Variants in GRAMD1C observed in about 807,000 individuals in gnomAD.
GRAMD1C encodes GRAM domain containing 1C.
A neutral mutation model predicts 97.8 loss-of-function variants in GRAMD1C; 89 were observed. That is an observed-to-expected ratio of 0.91 (90% CI 0.77 to 1.09). GRAMD1C has a LOEUF of 1.09. GRAMD1C is among the 50% of genes least tolerant of loss of function. GRAMD1C has a pLI of 0.00. For synonymous variants in GRAMD1C, 256 were observed against 267.0 expected, an observed-to-expected ratio of 0.96 and a Z score of 0.40; for missense variants, 740 against 766.4, an observed-to-expected ratio of 0.97 and a Z score of 0.41.
At position 113,940,341 on chromosome 3, in the gene GRAMD1C, A is replaced by G; in HGVS notation, c.1904A>G (p.Glu635Gly). The change falls in exon 17 of 18, where the codon GAA (glutamate) becomes GGA (glycine). Residue 635 changes from glutamate (E) to glycine (G), a missense_variant. By Grantham distance (98) the Glu-to-Gly change is moderately conservative (BLOSUM62 -2). Transcript: ENST00000358160. ...GVLRDSIVML[E>G]QLKSSLIMLQ... is the part of the protein sequence containing the mutation. ...CTCCGAGACTCCATAGTGATGCTTGAACAGGTAGGCAACTCGATACATCAC... is the reference window on the plus strand; with the variant it reads ...CTCCGAGACTCCATAGTGATGCTTGGACAGGTAGGCAACTCGATACATCAC... 1 of 1,522,542 alleles carries G rather than the reference A, an allele frequency of 6.6e-7. No homozygotes were observed. The highest frequency in any genetic ancestry group is 9.1e-7 in the Non-Finnish European group (1 of 1,096,526). 94.3% of individuals were successfully genotyped at this position (1,522,542 alleles called of 1,614,324 possible).
In GRAMD1C at chr3:113,894,499, G is replaced by A. The variant is rs530045661; in HGVS notation, c.541-6532G>A. Among the ~76,000 whole-genome samples the A allele has an allele frequency of 7.2e-5, 11 of 152,152 alleles. No individual in the cohort carries two copies. The East Asian group carries it at 1.5e-3, about 21-fold the overall frequency. ...TCACCATGTTGGCCAGGCTGGTCTC[G>A]AACGCCTGACCTCAGGTGATCTGCC... On this transcript the variant is annotated intron_variant, in intron 6 of 17. Transcript: ENST00000358160.
chr3:113,857,628 G>A (rs1016872471), intron 2 of GRAMD1C, among the ~76,000 whole-genome samples: 2 of 152,080 alleles, frequency 1.3e-5, no homozygotes, highest in Admixed American at 6.5e-5. Context: ...CTCCCACCTT[G>A]GCCTCCCAAA....
At chr3:113,839,170 T>C (rs1264601134) in intron 1 of GRAMD1C, among the ~76,000 whole-genome samples, 1 of 152,206 alleles carries the variant, frequency 6.6e-6, no homozygotes, top group East Asian at 1.9e-4. Context: ...CGTTGAGGGC[T>C]TGAATTTGGT....
chr3:113,927,954 G>A (rs542099056), intron 10 of GRAMD1C, among the ~76,000 whole-genome samples: 7 of 152,274 alleles, frequency 4.6e-5, no homozygotes, highest in Admixed American at 2.0e-4. Context: ...GAGAGTTGTC[G>A]CCGCAGAAAC....
intron 2 of GRAMD1C, chr3:113,850,316 ACTTT>A: frequency 2.8e-6 from 2 of 717,020 alleles, no homozygotes; most frequent in Non-Finnish European, 5.2e-6. Context: ...CCCAGCCTCG[ACTTT>A]CTTGTTGGCA....
chr3:113,851,330 A>G (rs1424994249), intron 2 of GRAMD1C, among the ~76,000 whole-genome samples: 1 of 152,126 alleles, frequency 6.6e-6, no homozygotes, highest in East Asian at 1.9e-4. Context: ...AAAAAGATGG[A>G]GTAGGAGAAT....
chr3:113,904,629 T>C (rs1440688279), intron 8 of GRAMD1C, among the ~76,000 whole-genome samples: 5 of 152,022 alleles, frequency 3.3e-5, no homozygotes, highest in African/African-American at 1.2e-4. Context: ...TTTTTCTTTC[T>C]TTCTTTCACA....
Position 113,915,798 on chromosome 3 carries a change from A to G in GRAMD1C, c.1050A>G (p.Ser350=). ...TGTTTGAATTGCTCTTTACCAGTTC[A>G]CGCTTTATGCAGAAATTTGCCAGTT... ...DRMFELLFTS[S]RFMQKFASSR... is the part of the protein sequence containing the mutation. Residue 350 remains serine (S), a synonymous_variant, in exon 10 of 18, where the codon TCA becomes TCG. Coordinates refer to ENST00000358160, the MANE Select transcript of GRAMD1C (RefSeq NM_017577.5). 6.2e-7 allele frequency: 1 copy of G among 1,611,796 alleles called. No homozygotes were observed. The highest frequency in any genetic ancestry group is 8.5e-7 in the Non-Finnish European group (1 of 1,178,166).
intron 15 of GRAMD1C, chr3:113,939,071 C>A (rs929106024): frequency 2.6e-5 from 4 of 152,088 alleles, no homozygotes; most frequent in Non-Finnish European, 5.9e-5. Context: ...ATCTGTATAC[C>A]ATTTCAATGC....
intron 2 of GRAMD1C, among the ~76,000 whole-genome samples, chr3:113,849,612 T>C (rs867381272): frequency 3.3e-5 from 5 of 151,918 alleles, no homozygotes; most frequent in Middle Eastern, 3.4e-3. Flanking sequence ...GGGTTGGGGG[T>C]AAGGTCACAG....
chr3:113,839,599 G>C (rs1709726148), intron 1 of GRAMD1C, among the ~76,000 whole-genome samples: 2 of 152,152 alleles, frequency 1.3e-5, no homozygotes, highest in Admixed American at 1.3e-4. Flanking sequence ...ATTGTTGAAT[G>C]AACAGATGAA....
intron 2 of GRAMD1C, among the ~76,000 whole-genome samples, chr3:113,861,822 C>T (rs1009292562): frequency 1.3e-5 from 2 of 152,206 alleles, no homozygotes; most frequent in Admixed American, 1.3e-4. Flanking sequence ...CCCCAGTAGT[C>T]ATGTAGGTTC....
chr3:113,864,059 T>C (rs1934495366), intron 2 of GRAMD1C, among the ~76,000 whole-genome samples: 1 of 152,236 alleles, frequency 6.6e-6, no homozygotes, highest in African/African-American at 2.4e-5. Flanking sequence ...TCTCTCATTT[T>C]ACTGTAAGTG....
chr3:113,925,433 C>T (rs147678805), intron 10 of GRAMD1C, among the ~76,000 whole-genome samples: 2,430 of 152,158 alleles, frequency 0.016, 60 homozygotes, highest in African/African-American at 0.055. Flanking sequence ...GATCATGCCA[C>T]TGCACTCCAG....
chr3:113,878,105 C>T (rs1935119221), intron 5 of GRAMD1C, among the ~76,000 whole-genome samples: 1 of 152,112 alleles, frequency 6.6e-6, no homozygotes, highest in Non-Finnish European at 1.5e-5. Context: ...TGAAACTATG[C>T]AGATATACCA....
intron 7 of GRAMD1C, among the ~76,000 whole-genome samples, chr3:113,902,581 T>G (rs1936216835): frequency 6.6e-6 from 1 of 152,218 alleles, no homozygotes; most frequent in South Asian, 2.1e-4. Context: ...TTGAAAAGTT[T>G]CTAGTCTTTG....
upstream of GRAMD1C, among the ~76,000 whole-genome samples, chr3:113,834,061 T>C (rs1393902206): frequency 6.6e-6 from 1 of 152,254 alleles, no homozygotes; most frequent in Non-Finnish European, 1.5e-5. Context: ...TGGATTATTT[T>C]GCATGTGTGC....
intron 6 of GRAMD1C, chr3:113,897,543 G>A (rs1032902642): frequency 1.0e-6 from 1 of 984,090 alleles, no homozygotes; most frequent in African/African-American, 1.7e-5. Context: ...ACTACAACCA[G>A]GAAGTGACAG....
At chr3:113,936,198 A>G in intron 13 of GRAMD1C, 68 bp from the exon 14 acceptor site, 1 of 894,072 alleles carries the variant, frequency 1.1e-6, no homozygotes, top group East Asian at 2.6e-5. Flanking sequence ...AATAACCACC[A>G]AAACCCATTG....
Sources: allele counts gnomAD v4.1 joint callset (sites outside exome capture counted in the v4.1 genomes callset), GRCh38; gene constraint gnomAD v4.1.1; transcripts MANE v1.5; gene names NCBI Gene and HGNC (gene_info 2026-07-23, HGNC 2026-07-21).